OSBPL1A: variants seen among roughly 807,000 people sequenced by gnomAD.
OSBPL1A encodes the protein oxysterol binding protein like 1A.
In OSBPL1A, 80 loss-of-function variants were observed where a neutral mutation model predicts 137.1. The observed-to-expected ratio is 0.58, with a 90% confidence interval of 0.49 to 0.70. OSBPL1A has a LOEUF of 0.70. Among genes scored for constraint, OSBPL1A ranks in the 30% least tolerant of loss-of-function variants. The pLI is 0.00. For synonymous variants in OSBPL1A, 365 were observed against 389.7 expected (o/e 0.94, Z 0.75); for missense variants, 970 against 1,129.4 (o/e 0.86, Z 2.02).
At chr18:24,343,551 C>A (rs183788575) in intron 4 of OSBPL1A, among the ~76,000 whole-genome samples, 2 of 152,228 alleles carry the variant, frequency 1.3e-5, no homozygotes, top group African/African-American at 4.8e-5. Flanking sequence ...GTTAAAGATA[C>A]ATCTTGACTT....
At chr18:24,298,470 C>G (rs958259513) in intron 14 of OSBPL1A, among the ~76,000 whole-genome samples, 2 of 152,220 alleles carry the variant, frequency 1.3e-5, no homozygotes, top group Non-Finnish European at 2.9e-5. Flanking sequence ...CCTCAGCCCC[C>G]CAGTAGCTGG....
chr18:24,306,906 T>G (rs1371524853), intron 13 of OSBPL1A, among the ~76,000 whole-genome samples: 1 of 152,188 alleles, frequency 6.6e-6, no homozygotes, highest in East Asian at 1.9e-4. Flanking sequence ...CAAGCAGTGG[T>G]GCCGTAGCAC....
At chr18:24,389,827 A>G (rs1234634103) in intron 1 of OSBPL1A, among the ~76,000 whole-genome samples, 2 of 152,134 alleles carry the variant, frequency 1.3e-5, no homozygotes, top group Non-Finnish European at 2.9e-5. Context: ...CTGTAATCCC[A>G]GCTACTGGGG....
chr18:24,361,159 A>G (rs758710653), intron 4 of OSBPL1A, among the ~76,000 whole-genome samples: 9 of 152,046 alleles, frequency 5.9e-5, no homozygotes, highest in South Asian at 2.1e-4. Flanking sequence ...CCTCCCGAGT[A>G]GCTGGGACTA....
intron 7 of OSBPL1A, among the ~76,000 whole-genome samples, chr18:24,330,412 C>G (rs1388591394): frequency 6.6e-6 from 1 of 150,786 alleles, no homozygotes; most frequent in Non-Finnish European, 1.5e-5. Context: ...CCATTATTAT[C>G]AAGACAAAAA....
At chr18:24,229,192 ACT>A (rs2088189472) in intron 16 of OSBPL1A, among the ~76,000 whole-genome samples, 1 of 152,154 alleles carries the variant, frequency 6.6e-6, no homozygotes, top group African/African-American at 2.4e-5. Context: ...AGACAGCGAG[ACT>A]CTGTCTCAAA....
chr18:24,361,806 C>T (rs991518438), intron 4 of OSBPL1A, among the ~76,000 whole-genome samples: 2 of 151,988 alleles, frequency 1.3e-5, no homozygotes, highest in Admixed American at 6.6e-5. Context: ...AGTTTGAGAC[C>T]AGCCTGGCCA....
At chr18:24,380,592 C>T (rs532149192) in intron 1 of OSBPL1A, among the ~76,000 whole-genome samples, 4 of 152,348 alleles carry the variant, frequency 2.6e-5, no homozygotes, top group African/African-American at 9.6e-5. Flanking sequence ...CCTACCAAGC[C>T]ACCAGCCTGG....
chr18:24,278,650 C>T (rs1338411693), intron 15 of OSBPL1A, among the ~76,000 whole-genome samples: 1 of 152,134 alleles, frequency 6.6e-6, no homozygotes, highest in African/African-American at 2.4e-5. Flanking sequence ...ACGTTACTTC[C>T]AATCTAATGT....
Position 24,196,148 on chromosome 18 carries a change from T to A in OSBPL1A, c.1654A>T (p.Ile552Phe). 3.1e-6 allele frequency: 5 copies of A among 1,611,516 alleles called. No homozygotes were observed. The highest frequency in any genetic ancestry group is 4.2e-6 in the Non-Finnish European group (5 of 1,179,148). Reference sequence around the variant, plus strand: ...ACCATTCCAATACATTTTCTGAGGATGCTCCAGATACTGAAGTCATTTCTG... The same window carrying A: ...ACCATTCCAATACATTTTCTGAGGAAGCTCCAGATACTGAAGTCATTTCTG... ...FSRNDFSIWSILRKCIGMELS... is the reference protein window; with the variant it reads ...FSRNDFSIWSFLRKCIGMELS... The change falls in exon 18 of 28, where the codon ATC becomes TTC. Residue 552 changes from isoleucine (I) to phenylalanine (F), a missense_variant. By Grantham distance (21) the Ile-to-Phe change is conservative. Around this residue, in one of 2 missense-constraint regions of OSBPL1A, gnomAD observed 647 missense variants for 672.6 expected, o/e 0.96. Coordinates refer to ENST00000319481, the MANE Select transcript of OSBPL1A (RefSeq NM_080597.4).
chr18:24,287,825 G>A (rs939577783), intron 14 of OSBPL1A, among the ~76,000 whole-genome samples: 1 of 94,970 alleles, frequency 1.1e-5, no homozygotes, highest in African/African-American at 3.7e-5. Context: ...AATAGACTTT[G>A]GCAGAAGTAA....
intron 14 of OSBPL1A, among the ~76,000 whole-genome samples, chr18:24,293,104 C>CAAAAAAA (rs1172730345): frequency 6.0e-5 from 4 of 66,366 alleles, no homozygotes; most frequent in Non-Finnish European, 1.1e-4. Context: ...ACTCCCGTCT[C>CAAAAAAA]AAAAAAAAAA....
intron 15 of OSBPL1A, among the ~76,000 whole-genome samples, chr18:24,244,915 T>C (rs1056823570): frequency 1.3e-5 from 2 of 152,180 alleles, no homozygotes; most frequent in African/African-American, 4.8e-5. Flanking sequence ...TAAGTGATTA[T>C]TATTCACAGA....
chr18:24,200,051 A>T (rs1209280694), intron 17 of OSBPL1A, among the ~76,000 whole-genome samples: 2 of 152,264 alleles, frequency 1.3e-5, no homozygotes, highest in Non-Finnish European at 2.9e-5. Context: ...TATTTAACCC[A>T]GTATATCCAA....
chr18:24,220,525 C>T (rs2087855361), intron 17 of OSBPL1A, among the ~76,000 whole-genome samples: 1 of 152,194 alleles, frequency 6.6e-6, no homozygotes, highest in African/African-American at 2.4e-5. Context: ...CCCTCCAGCC[C>T]CCAGCCCTCA....
chr18:24,220,927 T>C (rs1044386701), intron 17 of OSBPL1A, among the ~76,000 whole-genome samples: 1 of 151,986 alleles, frequency 6.6e-6, no homozygotes, highest in Non-Finnish European at 1.5e-5. Context: ...ACTACAGGCG[T>C]GTGCCACCAC....
chr18:24,389,452 C>A (rs1187857668), intron 1 of OSBPL1A, among the ~76,000 whole-genome samples: 1 of 152,074 alleles, frequency 6.6e-6, no homozygotes, highest in Non-Finnish European at 1.5e-5. Context: ...AAACTGGTGA[C>A]CATACTTGAT....
chr18:24,319,700 A>C (rs112192488), intron 7 of OSBPL1A, among the ~76,000 whole-genome samples: 3 of 152,148 alleles, frequency 2.0e-5, no homozygotes, highest in Non-Finnish European at 4.4e-5. Flanking sequence ...ACAAACAAAA[A>C]CCCACAAATA....
chr18:24,190,487 C>T (rs2086862296), intron 18 of OSBPL1A, among the ~76,000 whole-genome samples: 1 of 152,048 alleles, frequency 6.6e-6, no homozygotes, highest in Non-Finnish European at 1.5e-5. Flanking sequence ...ACCAGCAAAG[C>T]CTCTTTTACT....
Sources: allele counts gnomAD v4.1 joint callset (sites outside exome capture counted in the v4.1 genomes callset), GRCh38; gene constraint gnomAD v4.1.1; regional missense constraint gnomAD v4.1.1; transcripts MANE v1.5; gene names NCBI Gene and HGNC (gene_info 2026-07-23, HGNC 2026-07-21).